The following SAMTOR variants were observed in gnomAD, a reference collection of about 807,000 sequenced individuals.
SAMTOR encodes UPF0532 protein C7orf60.
chr7:112,929,878 A>G, the SAMTOR span, among the ~76,000 whole-genome samples: 1 of 152,166 alleles, frequency 6.6e-6, no homozygotes, highest in African/African-American at 2.4e-5. Context: ...TACATGAATC[A>G]TATCTCAATA....
At chr7:112,914,004 T>C in the SAMTOR span, among the ~76,000 whole-genome samples, 1 of 152,240 alleles carries the variant, frequency 6.6e-6, no homozygotes, top group East Asian at 1.9e-4. Flanking sequence ...GTGAGTTTTA[T>C]TGTACTCCTA....
chr7:112,893,826 T>C, the SAMTOR span, among the ~76,000 whole-genome samples: 1 of 152,102 alleles, frequency 6.6e-6, no homozygotes, highest in African/African-American at 2.4e-5. Flanking sequence ...GGCGTGAACC[T>C]GGGAGGCGGA....
the SAMTOR span, among the ~76,000 whole-genome samples, chr7:112,923,847 G>A: frequency 2.0e-5 from 3 of 152,102 alleles, no homozygotes; most frequent in Non-Finnish European, 4.4e-5. Context: ...TATACACCAT[G>A]GAATACTATG....
At chr7:112,929,722 TAGAG>T in the SAMTOR span, among the ~76,000 whole-genome samples, 2 of 151,860 alleles carry the variant, frequency 1.3e-5, no homozygotes, top group Non-Finnish European at 2.9e-5. Context: ...ACTGAGAGTA[TAGAG>T]AGAGACCGAC....
At chr7:112,851,125 A>G in the SAMTOR span, among the ~76,000 whole-genome samples, 1 of 152,216 alleles carries the variant, frequency 6.6e-6, no homozygotes, top group African/African-American at 2.4e-5. Flanking sequence ...GGAAGAATCA[A>G]TATTGTTAAA....
the SAMTOR span, among the ~76,000 whole-genome samples, chr7:112,845,559 A>G: frequency 6.6e-6 from 1 of 152,198 alleles, no homozygotes; most frequent in Non-Finnish European, 1.5e-5. Flanking sequence ...CACAAGTCAT[A>G]ATGGTTATTA....
chr7:112,819,715 TAA>T, the SAMTOR span: 1 of 152,502 alleles, frequency 6.6e-6, no homozygotes, highest in Non-Finnish European at 1.5e-5. Flanking sequence ...TCAACATCTG[TAA>T]ACAATCAGAA....
the SAMTOR span, among the ~76,000 whole-genome samples, chr7:112,922,635 C>A: frequency 6.6e-6 from 1 of 151,942 alleles, no homozygotes; most frequent in African/African-American, 2.4e-5. Context: ...AGGAGCACCT[C>A]TGCCCGGCCA....
chr7:112,894,133 AT>A, the SAMTOR span, among the ~76,000 whole-genome samples: 1 of 145,742 alleles, frequency 6.9e-6, no homozygotes, highest in Non-Finnish European at 1.5e-5. Flanking sequence ...CTAGTGTCTT[AT>A]GGAATAGAGA....
the SAMTOR span, among the ~76,000 whole-genome samples, chr7:112,920,864 A>C: frequency 6.6e-6 from 1 of 152,138 alleles, no homozygotes; most frequent in African/African-American, 2.4e-5. Context: ...AAAGAGAATA[A>C]AATACCTAGG....
At chr7:112,860,600 A>C in the SAMTOR span, among the ~76,000 whole-genome samples, 2 of 152,168 alleles carry the variant, frequency 1.3e-5, no homozygotes, top group African/African-American at 4.8e-5. Context: ...ATACAAATGC[A>C]AGAAAAAAAG....
the SAMTOR span, chr7:112,939,763 G>A: frequency 6.3e-7 from 1 of 1,575,422 alleles, no homozygotes; most frequent in Non-Finnish European, 8.6e-7. Flanking sequence ...CGCAGCCGCC[G>A]CCGCCGCCGC....
the SAMTOR span, among the ~76,000 whole-genome samples, chr7:112,865,659 A>T: frequency 9.5e-4 from 34 of 35,808 alleles, no homozygotes; most frequent in Non-Finnish European, 1.9e-3. Flanking sequence ...TCATATATAT[A>T]TTTCATACAT....
At chr7:112,870,298 T>C in the SAMTOR span, among the ~76,000 whole-genome samples, 4 of 152,058 alleles carry the variant, frequency 2.6e-5, no homozygotes, top group African/African-American at 9.7e-5. Flanking sequence ...AGATTACCTA[T>C]AAAGGGAAAC....
the SAMTOR span, among the ~76,000 whole-genome samples, chr7:112,895,157 T>C: frequency 6.6e-6 from 1 of 151,846 alleles, no homozygotes; most frequent in African/African-American, 2.4e-5. Context: ...TTCTTTGTTT[T>C]GATAATTACA....
chr7:112,830,197 T>G, the SAMTOR span, among the ~76,000 whole-genome samples: 1 of 152,144 alleles, frequency 6.6e-6, no homozygotes, highest in South Asian at 2.1e-4. Context: ...TTGTAGGGCT[T>G]GTCTCATTTG....
chr7:112,921,232 A>C, the SAMTOR span, among the ~76,000 whole-genome samples: 29 of 152,060 alleles, frequency 1.9e-4, no homozygotes, highest in Non-Finnish European at 3.1e-4. Context: ...CAGCATGGTA[A>C]TGGTACCAAA....
At chr7:112,881,610 G>A in the SAMTOR span, among the ~76,000 whole-genome samples, 6 of 152,124 alleles carry the variant, frequency 3.9e-5, no homozygotes, top group Admixed American at 2.0e-4. Context: ...TACTCACTCC[G>A]GGTCTCCCCT....
chr7:112,894,714 A>G, the SAMTOR span, among the ~76,000 whole-genome samples: 478 of 152,318 alleles, frequency 3.1e-3, 2 homozygotes, highest in Non-Finnish European at 5.4e-3. Flanking sequence ...CCATGATTCA[A>G]TTATTTCCCA....
Sources: allele counts gnomAD v4.1 joint callset (sites outside exome capture counted in the v4.1 genomes callset), GRCh38; gene constraint gnomAD v4.1.1; transcripts MANE v1.5; gene names NCBI Gene and HGNC (gene_info 2026-07-23, HGNC 2026-07-21).